The following AFAP1L1 variants were observed in gnomAD, a reference collection of about 807,000 sequenced individuals.
AFAP1L1 encodes actin filament associated protein 1 like 1.
In AFAP1L1, 77 loss-of-function variants were observed where a neutral mutation model predicts 99.8. The observed-to-expected ratio is 0.77, with a 90% confidence interval of 0.64 to 0.93. The LOEUF is 0.93. Ranked by LOEUF, AFAP1L1 falls within the 40% of genes least tolerant of loss-of-function variation. The pLI is 0.00. For synonymous variants in AFAP1L1, 373 were observed against 395.3 expected (o/e 0.94, Z 0.67); for missense variants, 893 against 996.8 (o/e 0.90, Z 1.40).
intron 17 of AFAP1L1, among the ~76,000 whole-genome samples, chr5:149,335,347 G>C (rs1201881291): frequency 6.6e-6 from 1 of 152,102 alleles, no homozygotes; most frequent in Non-Finnish European, 1.5e-5. Flanking sequence ...AATTAGCCAG[G>C]CCTGGTGGTA....
At chr5:149,314,303 C>T (rs928411699) in intron 9 of AFAP1L1, among the ~76,000 whole-genome samples, 10 of 152,176 alleles carry the variant, frequency 6.6e-5, no homozygotes, top group African/African-American at 2.4e-4. Context: ...TGTGTGCACG[C>T]ACTTGCCAGC....
At chr5:149,287,755 T>G (rs572571821) in intron 1 of AFAP1L1, among the ~76,000 whole-genome samples, 141 of 149,338 alleles carry the variant, frequency 9.4e-4, no homozygotes, top group Non-Finnish European at 1.8e-3. Context: ...TTTTGGTGTT[T>G]TTTTTTTTTT....
At position 149,319,472 on chromosome 5, in the gene AFAP1L1, G is replaced by A. The variant is rs1169503441; in HGVS notation, c.1480-110G>A. On this transcript the variant is annotated intron_variant, in intron 12 of 18. Transcript: ENST00000296721. ...CTTATTCCTCTTTGACCCGAGTATC[G>A]GGTACGTAGTCAGTACTTACAAATA... 13 of 1,248,686 alleles carry A rather than the reference G, an allele frequency of 1.0e-5. 1 individual carries two copies. Among genetic ancestry groups the A allele is most frequent in the East Asian group, 2.4e-5 (1 of 41,484 alleles). 77.4% of individuals were successfully genotyped at this position (1,248,686 alleles called of 1,614,324 possible).
At chr5:149,314,281 TGTGA>T (rs1462180218) in intron 9 of AFAP1L1, among the ~76,000 whole-genome samples, 1 of 152,182 alleles carries the variant, frequency 6.6e-6, no homozygotes, top group South Asian at 2.1e-4. Flanking sequence ...TGTCAGTGTG[TGTGA>T]GTGTGTGTGT....
chr5:149,279,390 A>C (rs1029813546), intron 1 of AFAP1L1, among the ~76,000 whole-genome samples: 7 of 151,040 alleles, frequency 4.6e-5, no homozygotes, highest in African/African-American at 2.5e-5. Flanking sequence ...CTTAAGGACT[A>C]CTCTCACGTA....
intron 7 of AFAP1L1, among the ~76,000 whole-genome samples, chr5:149,309,290 T>C (rs971789590): frequency 2.2e-4 from 33 of 152,174 alleles, no homozygotes; most frequent in African/African-American, 4.8e-5. Flanking sequence ...ATTTCTGGCC[T>C]TTTTTTCTAT....
At chr5:149,277,978 G>A (rs554458139) in intron 1 of AFAP1L1, among the ~76,000 whole-genome samples, 102 of 152,140 alleles carry the variant, frequency 6.7e-4, no homozygotes, top group Admixed American at 3.1e-3. Context: ...TCAAAGTTTT[G>A]CCAGCCTCTC....
At chr5:149,322,529 G>T in intron 14 of AFAP1L1, 77 bp from the exon 15 acceptor site, 1 of 1,034,560 alleles carries the variant, frequency 9.7e-7, no homozygotes, top group Non-Finnish European at 1.4e-6. Context: ...TCCATACTGA[G>T]CAAAGACCGC....
intron 15 of AFAP1L1, among the ~76,000 whole-genome samples, chr5:149,327,401 A>T (rs551254122): frequency 6.6e-6 from 1 of 152,298 alleles, no homozygotes; most frequent in Admixed American, 6.5e-5. Flanking sequence ...TTCATACTGC[A>T]GGAGGAAATA....
chr5:149,299,392 C>T, intron 1 of AFAP1L1, 117 bp from the exon 2 acceptor site: 2 of 1,411,992 alleles, frequency 1.4e-6, no homozygotes, highest in South Asian at 1.4e-5. Flanking sequence ...TCCGCTTGCA[C>T]ACCCGGACCT....
Position 149,312,100 on chromosome 5 carries a change from T to A in AFAP1L1, c.928-12T>A, listed in dbSNP as rs1756648066. ...CTGCCCACCCGTTCACAGCTGTGTG[T>A]CCTCTTCACAGGTCATCCGAGAAGT... On this transcript the variant is annotated splice_polypyrimidine_tract_variant and intron_variant, in intron 8 of 18. Transcript: ENST00000296721. 1.9e-6 allele frequency: 3 copies of A among 1,611,976 alleles called. No homozygotes were observed. The highest frequency in any genetic ancestry group is 1.7e-6 in the Non-Finnish European group (2 of 1,179,214).
chr5:149,274,733 G>A (rs1047374601), intron 1 of AFAP1L1, among the ~76,000 whole-genome samples: 2 of 152,052 alleles, frequency 1.3e-5, no homozygotes, highest in Admixed American at 1.3e-4. Context: ...ACAAAAATGA[G>A]CTGGGTGTGG....
intron 15 of AFAP1L1, among the ~76,000 whole-genome samples, chr5:149,323,202 C>G (rs746395226): frequency 6.6e-6 from 1 of 152,136 alleles, no homozygotes. Flanking sequence ...GTTTCAGAGG[C>G]TAACAATTTG....
chr5:149,326,562 A>G (rs923206580), intron 15 of AFAP1L1, among the ~76,000 whole-genome samples: 29 of 133,480 alleles, frequency 2.2e-4, no homozygotes, highest in African/African-American at 6.4e-4. Context: ...AAAAAAAAAA[A>G]GAAAGAAAAA....
chr5:149,301,142 T>C lies in AFAP1L1; in HGVS notation c.239T>C (p.Leu80Pro). ...GCCTGTCCCTCTGTAGACTGTGACC[T>C]GAGTGACCTTCGGGACATGCCAGAG... ...ESLFEEFDCD[L>P]SDLRDMPEDD... The change falls in exon 4 of 19, where the codon CTG becomes CCG. Residue 80 changes from leucine (L) to proline (P), a missense_variant. By Grantham distance (98) the Leu-to-Pro change is moderately conservative. Transcript: ENST00000296721. The C allele has an allele frequency of 3.1e-6, 5 of 1,613,904 alleles. No individual in the cohort carries two copies. The highest frequency in any genetic ancestry group is 4.2e-6 in the Non-Finnish European group (5 of 1,179,846).
chr5:149,330,238 A>T (rs542614984), intron 16 of AFAP1L1, among the ~76,000 whole-genome samples: 21 of 152,330 alleles, frequency 1.4e-4, no homozygotes, highest in Non-Finnish European at 2.5e-4. Context: ...AATAATGGAC[A>T]TGACACTTTC....
chr5:149,312,771 A>C (rs1169043647), intron 9 of AFAP1L1, among the ~76,000 whole-genome samples: 1 of 152,120 alleles, frequency 6.6e-6, no homozygotes, highest in African/African-American at 2.4e-5. Flanking sequence ...CCTGGGCAAC[A>C]GAGTGAGACC....
Position 149,342,522 on chromosome 5 carries a change from A to G in AFAP1L1, c.*2492A>G, listed in dbSNP as rs1341909985. Among the ~76,000 whole-genome samples the G allele has an allele frequency of 1.3e-5, 2 of 152,256 alleles. No individual in the cohort carries two copies. Among genetic ancestry groups the G allele is most frequent in the Non-Finnish European group, 2.9e-5 (2 of 68,048 alleles). On this transcript the variant is annotated 3_prime_UTR_variant, in exon 19 of 19. Coordinates refer to ENST00000296721, the MANE Select transcript of AFAP1L1 (RefSeq NM_152406.4). ...ACTTAATAAATAGACGAATGAATGCATGGATGCAAGCAGCAACCTGGTGAA... is the reference window on the plus strand; with the variant it reads ...ACTTAATAAATAGACGAATGAATGCGTGGATGCAAGCAGCAACCTGGTGAA...
chr5:149,315,753 C>CA (rs1027687467), intron 9 of AFAP1L1, 68 bp from the exon 10 acceptor site: 1 of 1,376,282 alleles, frequency 7.3e-7, no homozygotes, highest in African/African-American at 1.4e-5. Context: ...GAGATTGAAC[C>CA]AATAAAGGGA....
Sources: gnomAD v4.1 joint callset for allele counts (sites outside exome capture counted in the v4.1 genomes callset) on GRCh38, gnomAD v4.1.1 for gene constraint, MANE v1.5 for transcripts, NCBI Gene and HGNC (gene_info 2026-07-23, HGNC 2026-07-21) for gene names.